Variants in MEGF11 observed in about 807,000 individuals in gnomAD.
MEGF11 encodes the protein multiple EGF like domains 11, also known as multiple epidermal growth factor-like domains protein 11.
A neutral mutation model predicts 146.6 loss-of-function variants in MEGF11; 126 were observed. The observed-to-expected ratio is 0.86, with a 90% confidence interval of 0.74 to 1.00. MEGF11 has a LOEUF of 1.00. Among genes scored for constraint, MEGF11 ranks in the 50% least tolerant of loss-of-function variants. The pLI is 0.00. For missense variants in MEGF11, 1,509 were observed against 1,521.2 expected (o/e 0.99, Z 0.13); for synonymous variants, 532 against 583.4 (o/e 0.91, Z 1.27).
At chr15:66,202,544 G>A (rs537270081) in intron 1 of MEGF11, among the ~76,000 whole-genome samples, 51 of 152,264 alleles carry the variant, frequency 3.3e-4, no homozygotes, top group African/African-American at 1.2e-3. Flanking sequence ...CCCTAGGGGT[G>A]GCCCTGGCCC....
chr15:66,117,149 G>A (rs144449834), intron 4 of MEGF11, among the ~76,000 whole-genome samples: 26 of 152,272 alleles, frequency 1.7e-4, no homozygotes, highest in Non-Finnish European at 3.7e-4. Flanking sequence ...GCAGGTGCTG[G>A]GAAGATGATG....
At chr15:66,003,774 C>T (rs1408986103) in intron 5 of MEGF11, among the ~76,000 whole-genome samples, 3 of 152,104 alleles carry the variant, frequency 2.0e-5, no homozygotes, top group Non-Finnish European at 2.9e-5. Flanking sequence ...GTGCTCAGGC[C>T]CAGCCTTCCC....
intron 9 of MEGF11, among the ~76,000 whole-genome samples, chr15:65,963,184 G>A (rs1328112470): frequency 1.3e-5 from 2 of 152,220 alleles, no homozygotes; most frequent in African/African-American, 4.8e-5. Context: ...AGGAGCGACA[G>A]ATTCTGGAAT....
chr15:66,141,416 G>T (rs908712469), intron 1 of MEGF11, among the ~76,000 whole-genome samples: 1 of 151,956 alleles, frequency 6.6e-6, no homozygotes, highest in Admixed American at 6.6e-5. Flanking sequence ...AAGACGACTG[G>T]CTTGGAACTC....
At chr15:66,126,932 G>A (rs747487711) in intron 2 of MEGF11, among the ~76,000 whole-genome samples, 15 of 152,142 alleles carry the variant, frequency 9.9e-5, no homozygotes, top group African/African-American at 2.4e-4. Flanking sequence ...AGACTTTTTC[G>A]AATGCACCTC....
intron 5 of MEGF11, among the ~76,000 whole-genome samples, chr15:66,073,394 C>T (rs1255179811): frequency 6.6e-6 from 1 of 152,198 alleles, no homozygotes; most frequent in African/African-American, 2.4e-5. Context: ...TCCGGGAACC[C>T]AGCACTCCTA....
intron 5 of MEGF11, among the ~76,000 whole-genome samples, chr15:66,005,009 C>T (rs914111864): frequency 1.3e-5 from 2 of 152,142 alleles, no homozygotes; most frequent in African/African-American, 4.8e-5. Flanking sequence ...ATCGCTTGAG[C>T]CCAGGAGTTC....
At chr15:66,166,097 A>T (rs1381274067) in intron 1 of MEGF11, among the ~76,000 whole-genome samples, 1 of 152,106 alleles carries the variant, frequency 6.6e-6, no homozygotes, top group Non-Finnish European at 1.5e-5. Flanking sequence ...CTCACCCCTG[A>T]GCTCCAGATC....
intron 1 of MEGF11, among the ~76,000 whole-genome samples, chr15:66,211,726 T>G (rs958234501): frequency 3.3e-5 from 5 of 151,670 alleles, no homozygotes; most frequent in Admixed American, 1.3e-4. Context: ...ACTATGACCC[T>G]GAGTAAGACA....
At chr15:65,925,941 G>A (rs897526442) in intron 13 of MEGF11, among the ~76,000 whole-genome samples, 3 of 152,154 alleles carry the variant, frequency 2.0e-5, no homozygotes, top group Admixed American at 1.3e-4. Context: ...TCATACACAA[G>A]ACCTGTCTCC....
chr15:66,122,299 A>G (rs1371016767), intron 3 of MEGF11, among the ~76,000 whole-genome samples: 1 of 152,078 alleles, frequency 6.6e-6, no homozygotes, highest in Non-Finnish European at 1.5e-5. Context: ...AAAAAAAGCA[A>G]TCAGTGAAGA....
intron 10 of MEGF11, among the ~76,000 whole-genome samples, chr15:65,946,450 G>A (rs1186528063): frequency 6.6e-6 from 1 of 152,196 alleles, no homozygotes; most frequent in African/African-American, 2.4e-5. Context: ...CTATCACCCA[G>A]GCTGGAGTAC....
intron 1 of MEGF11, among the ~76,000 whole-genome samples, chr15:66,222,417 C>G (rs777960749): frequency 1.3e-5 from 2 of 152,174 alleles, no homozygotes; most frequent in African/African-American, 4.8e-5. Context: ...TGGTCAGATG[C>G]AATCAGCAGC....
At chr15:66,200,007 C>T (rs1341962952) in intron 1 of MEGF11, among the ~76,000 whole-genome samples, 2 of 152,232 alleles carry the variant, frequency 1.3e-5, no homozygotes, top group Non-Finnish European at 2.9e-5. Context: ...AGGAAATTCT[C>T]AAGTTATAAG....
At chr15:66,042,792 A>C (rs2084041676) in intron 5 of MEGF11, among the ~76,000 whole-genome samples, 2 of 152,078 alleles carry the variant, frequency 1.3e-5, no homozygotes, top group Admixed American at 6.5e-5. Flanking sequence ...CCCCATTTGC[A>C]TGTCTTTACA....
rs773895184 is a variant in MEGF11, at chr15:65,898,057, A to C, written c.3300T>G (p.His1100Gln). ...TVSVVQEGCG[H>Q]NSSYIQNAYD... ...ATGCATTCTGGATATAGCTGGAGTT[A>C]TGACCGCAACCTTCTTGGACCACAC... The change falls in exon 26 of 26, where the codon CAT becomes CAG. Residue 1100 changes from histidine (H) to glutamine (Q), a missense_variant. His to Gln is a conservative substitution (Grantham distance 24). Coordinates refer to ENST00000395614, the MANE Select transcript of MEGF11 (RefSeq NM_001385028.1). 1 of 1,613,976 alleles carries C rather than the reference A, an allele frequency of 6.2e-7. No homozygotes were observed. Among genetic ancestry groups the C allele is most frequent in the East Asian group, 2.2e-5 (1 of 44,894 alleles).
chr15:66,248,011 C>T (rs1484315151), intron 1 of MEGF11, among the ~76,000 whole-genome samples: 1 of 151,768 alleles, frequency 6.6e-6, no homozygotes, highest in Admixed American at 6.6e-5. Context: ...TGTTCTAGGT[C>T]AATTACAATG....
intron 23 of MEGF11, among the ~76,000 whole-genome samples, chr15:65,908,033 G>A (rs1023211382): frequency 6.6e-6 from 1 of 152,206 alleles, no homozygotes; most frequent in South Asian, 2.1e-4. Flanking sequence ...CTGTGTGTGT[G>A]TGTATATGCT....
At chr15:66,150,632 G>GGAAGGAAGGAAA (rs2089531461) in intron 1 of MEGF11, among the ~76,000 whole-genome samples, 1 of 151,886 alleles carries the variant, frequency 6.6e-6, no homozygotes, top group Non-Finnish European at 1.5e-5. Context: ...AAGGAAGGAA[G>GGAAGGAAGGAAA]GAAGGAAGGA....
Sources: allele counts gnomAD v4.1 joint callset (sites outside exome capture counted in the v4.1 genomes callset), GRCh38; gene constraint gnomAD v4.1.1; transcripts MANE v1.5; gene names NCBI Gene and HGNC (gene_info 2026-07-23, HGNC 2026-07-21).